The following FMNL2 variants were observed in gnomAD, a reference collection of about 807,000 sequenced individuals.
The protein encoded by FMNL2 is formin like 2, also known as formin-like protein 2.
In FMNL2, 51 loss-of-function variants were observed where a neutral mutation model predicts 130.2. The ratio of observed to expected loss-of-function variants is 0.39; its 90% CI spans 0.31 to 0.49. The LOEUF is 0.49. Ranked by LOEUF, FMNL2 falls within the 20% of genes least tolerant of loss-of-function variation. The probability of loss-of-function intolerance (pLI) is 0.85; values close to 1 mark genes in which losing one functional copy is unlikely to be tolerated. For missense variants in FMNL2, 977 were observed against 1,316.2 expected (o/e 0.74, Z 3.99); for synonymous variants, 465 against 467.1 (o/e 1.00, Z 0.06).
intron 1 of FMNL2, among the ~76,000 whole-genome samples, chr2:152,480,441 C>G (rs1218556320): frequency 6.6e-6 from 1 of 151,810 alleles, no homozygotes; most frequent in Non-Finnish European, 1.5e-5. Context: ...ACCAGCCTGG[C>G]CGACATGATG....
chr2:152,632,721 T>C lies in FMNL2; in HGVS notation c.2680+584T>C, dbSNP rs567880599. Among the ~76,000 whole-genome samples, 10 of 152,226 alleles carry C rather than the reference T, an allele frequency of 6.6e-5. No individual in the cohort carries two copies. The South Asian group carries it at 2.1e-3, about 32-fold the overall frequency. On this transcript the variant is annotated intron_variant, in intron 21 of 25. Coordinates refer to ENST00000288670, the MANE Select transcript of FMNL2 (RefSeq NM_052905.4). ...AATGTCTTGCCCAAAGTCACATGAG[T>C]AGAAAGTGATAGAAACAGGACTAGA...
chr2:152,534,923 T>A (rs1324627492), intron 2 of FMNL2, among the ~76,000 whole-genome samples: 1 of 152,150 alleles, frequency 6.6e-6, no homozygotes, highest in African/African-American at 2.4e-5. Flanking sequence ...ACTAGCAAAA[T>A]GATTTCATAT....
At chr2:152,349,563 C>T (rs1363092324) in intron 1 of FMNL2, among the ~76,000 whole-genome samples, 1 of 152,202 alleles carries the variant, frequency 6.6e-6, no homozygotes. Flanking sequence ...CTGTACTAAA[C>T]TCATTATTTC....
In FMNL2 at chr2:152,335,578, GC is replaced by G. The variant is rs1293699855; in HGVS notation, c.-21del. The G allele has an allele frequency of 1.1e-5, 17 of 1,568,482 alleles. No individual in the cohort carries two copies. Among genetic ancestry groups the G allele is most frequent in the East Asian group, 7.5e-5 (3 of 40,116 alleles). On this transcript the variant is annotated 5_prime_UTR_variant, in exon 1 of 26. Transcript: ENST00000288670. ...ACGCGCACGCTAGGGGCCCGGAGCA[GC>G]CCCCGGCCCCGGCGCGCCGCCGACA...
At chr2:152,393,018 G>C (rs1212413628) in intron 1 of FMNL2, among the ~76,000 whole-genome samples, 1 of 151,962 alleles carries the variant, frequency 6.6e-6, no homozygotes. Flanking sequence ...CCTCCAGCAG[G>C]TTACTTTCCT....
Position 152,492,773 on chromosome 2 carries a change from TC to T in FMNL2, c.118-29169del, listed in dbSNP as rs1307909331. Among the ~76,000 whole-genome samples, 3 of 152,380 alleles carry T rather than the reference TC, an allele frequency of 2.0e-5. No individual in the cohort carries two copies. In the East Asian group the frequency reaches 5.8e-4, roughly 29 times the overall value. On this transcript the variant is annotated intron_variant, in intron 1 of 25. Coordinates refer to ENST00000288670, the MANE Select transcript of FMNL2 (RefSeq NM_052905.4). ...TCTCAGGAACTAAGCAGATCGGTTA[TC>T]GTTCCTCTACTTTGCTTTATTGAAC... is the stretch of plus-strand genomic sequence containing the variant.
chr2:152,418,158 T>A (rs1257764547), intron 1 of FMNL2, among the ~76,000 whole-genome samples: 1 of 152,194 alleles, frequency 6.6e-6, no homozygotes, highest in East Asian at 1.9e-4. Context: ...TGCATTAATT[T>A]TTAAAAATTA....
At chr2:152,595,710 A>AT (rs1352383986) in intron 9 of FMNL2, among the ~76,000 whole-genome samples, 1 of 152,124 alleles carries the variant, frequency 6.6e-6, no homozygotes, top group African/African-American at 2.4e-5. Context: ...ACTTTGAGGA[A>AT]TGTGTGTTCT....
chr2:152,622,786 C>T (rs1340959604), intron 15 of FMNL2, among the ~76,000 whole-genome samples: 1 of 151,278 alleles, frequency 6.6e-6, no homozygotes, highest in African/African-American at 2.4e-5. Flanking sequence ...GATTCATATG[C>T]CCTCTTCCAT....
At chr2:152,637,352 A>G (rs1433682616) in intron 22 of FMNL2, among the ~76,000 whole-genome samples, 1 of 152,106 alleles carries the variant, frequency 6.6e-6, no homozygotes, top group Non-Finnish European at 1.5e-5. Flanking sequence ...CCTGCAGATG[A>G]ATTCCTGTGC....
chr2:152,418,266 G>A (rs1370130553), intron 1 of FMNL2, among the ~76,000 whole-genome samples: 1 of 151,536 alleles, frequency 6.6e-6, no homozygotes, highest in African/African-American at 2.4e-5. Context: ...TTTTGGCCAC[G>A]TTTTTAATTT....
chr2:152,601,035 G>A (rs1182761601), intron 9 of FMNL2, among the ~76,000 whole-genome samples: 1 of 152,022 alleles, frequency 6.6e-6, no homozygotes, highest in African/African-American at 2.4e-5. Flanking sequence ...GAATACTGAG[G>A]GAGAGAATTT....
At chr2:152,468,742 C>A (rs1042669624) in intron 1 of FMNL2, among the ~76,000 whole-genome samples, 1 of 152,062 alleles carries the variant, frequency 6.6e-6, no homozygotes, top group African/African-American at 2.4e-5. Flanking sequence ...CATTTTAATT[C>A]TTTTAGACAA....
intron 1 of FMNL2, among the ~76,000 whole-genome samples, chr2:152,436,090 A>G (rs1299963583): frequency 1.3e-5 from 2 of 152,156 alleles, no homozygotes; most frequent in African/African-American, 2.4e-5. Flanking sequence ...CTCAAATGCA[A>G]AACACCACGC....
chr2:152,479,741 T>TA (rs1491159918), intron 1 of FMNL2, among the ~76,000 whole-genome samples: 1 of 95,346 alleles, frequency 1.0e-5, no homozygotes, highest in Non-Finnish European at 2.2e-5. Context: ...TTTTTTTTTT[T>TA]ACTCTGTCAT....
In FMNL2 at chr2:152,578,869, T is replaced by C; in HGVS notation, c.706-19T>C. The C allele has an allele frequency of 1.2e-6, 2 of 1,600,238 alleles. No homozygotes were observed. Among genetic ancestry groups the C allele is most frequent in the East Asian group, 4.5e-5 (2 of 44,770 alleles). On this transcript the variant is annotated intron_variant, in intron 7 of 25. Coordinates refer to ENST00000288670, the MANE Select transcript of FMNL2 (RefSeq NM_052905.4). ...CTCCCAATGCTTTGTGTTTCTTTTT[T>C]TTTCCATGTTAATTTTAGTATGGTT...
At chr2:152,451,303 T>G (rs993602445) in intron 1 of FMNL2, among the ~76,000 whole-genome samples, 6 of 152,030 alleles carry the variant, frequency 3.9e-5, no homozygotes, top group African/African-American at 1.4e-4. Flanking sequence ...TGTGTGCCAC[T>G]ATGCCCGGCT....
chr2:152,534,683 T>A (rs1447118168), intron 2 of FMNL2, among the ~76,000 whole-genome samples: 1 of 152,078 alleles, frequency 6.6e-6, no homozygotes, highest in African/African-American at 2.4e-5. Context: ...CTGTACTTTC[T>A]TTTTGTTTGA....
At chr2:152,563,490 G>T (rs1240453488) in intron 6 of FMNL2, among the ~76,000 whole-genome samples, 1 of 152,074 alleles carries the variant, frequency 6.6e-6, no homozygotes. Context: ...GTGGTTCATG[G>T]ATTTATGTCT....
Sources: gnomAD v4.1 joint callset for allele counts (sites outside exome capture counted in the v4.1 genomes callset) on GRCh38, gnomAD v4.1.1 for gene constraint, MANE v1.5 for transcripts, NCBI Gene and HGNC (gene_info 2026-07-23, HGNC 2026-07-21) for gene names.